Variants in CGGBP1 observed in about 807,000 individuals in gnomAD.
The protein encoded by CGGBP1 is CGG triplet repeat-binding protein 1.
CGGBP1 carries 4 observed loss-of-function variants against 11.4 expected under a neutral mutation model. That is an observed-to-expected ratio of 0.35 (90% CI 0.17 to 0.80). The LOEUF is 0.80. Among genes scored for constraint, CGGBP1 ranks in the 30% least tolerant of loss-of-function variants. The probability of loss-of-function intolerance (pLI) is 0.52; values close to 1 mark genes in which losing one functional copy is unlikely to be tolerated. For missense variants in CGGBP1, 135 were observed against 202.1 expected (o/e 0.67, Z 2.01); for synonymous variants, 76 against 74.1 (o/e 1.03, Z -0.13).
intron 2 of CGGBP1, among the ~76,000 whole-genome samples, chr3:88,138,194 AT>A (rs1429002449): frequency 6.6e-6 from 1 of 152,188 alleles, no homozygotes; most frequent in East Asian, 1.9e-4. Flanking sequence ...ATTTGGATAA[AT>A]AACATTACTT....
rs200668595 is a variant in CGGBP1 at position 88,099,190 on chromosome 3, AACAG to A, written c.-228-40971_-228-40968del. 1.0e-3 allele frequency among the ~76,000 whole-genome samples: 152 copies of A among 152,254 alleles called. 3 individuals carry two copies. Among genetic ancestry groups the A allele is most frequent in the East Asian group, 5.0e-3 (26 of 5,192 alleles). On this transcript the variant is annotated intron_variant, in intron 2 of 3. Coordinates refer to the CGGBP1 transcript ENST00000462901. ...ATCACAAGCATTCCTCTACACCAAT[AACAG>A]ACAGAGAGCCAAATCATGAGTGAAC...
In CGGBP1 at chr3:88,138,005, C is replaced by T. The variant is rs142215320; in HGVS notation, c.-229+2965G>A. Among the ~76,000 whole-genome samples, 916 of 151,978 alleles carry T rather than the reference C, an allele frequency of 6.0e-3. 8 individuals are homozygous for T. The highest frequency in any genetic ancestry group is 0.021 in the African/African-American group (869 of 41,438). The stretch of plus-strand genomic sequence containing the variant: ...AGACACTATTATAACTAAGATGGGT[C>T]GACAATAGATTCCCAAGTAAAAGCT... On this transcript the variant is annotated intron_variant, in intron 2 of 3. Coordinates refer to the CGGBP1 transcript ENST00000462901.
At chr3:88,068,959 A>G (rs1054392846) in intron 2 of CGGBP1, among the ~76,000 whole-genome samples, 4 of 152,206 alleles carry the variant, frequency 2.6e-5, no homozygotes, top group South Asian at 2.1e-4. Flanking sequence ...TGTACCATCT[A>G]TGCATATATA....
At chr3:88,116,818 A>G (rs1404035357) in intron 2 of CGGBP1, among the ~76,000 whole-genome samples, 1 of 152,114 alleles carries the variant, frequency 6.6e-6, no homozygotes, top group Non-Finnish European at 1.5e-5. Flanking sequence ...ATTAAACTGT[A>G]GTACATGTAA....
chr3:88,117,079 AC>A (rs764912096), intron 2 of CGGBP1, among the ~76,000 whole-genome samples: 2 of 152,212 alleles, frequency 1.3e-5, no homozygotes, highest in Non-Finnish European at 2.9e-5. Flanking sequence ...CAAAGAAGGG[AC>A]AACCCGAAAG....
At chr3:88,059,241 A>C, upstream of CGGBP1, 5 of 1,520,902 alleles carry the variant, frequency 3.3e-6, no homozygotes, top group South Asian at 6.1e-5. Flanking sequence ...GGAACTAGAG[A>C]GGAGGAGGAG....
intron 2 of CGGBP1, chr3:88,129,677 C>G: frequency 6.9e-7 from 1 of 1,439,454 alleles, no homozygotes. Flanking sequence ...TTTCTCTTTT[C>G]CTCTTACAGC....
chr3:88,073,232 T>A (rs1269021567), intron 2 of CGGBP1, among the ~76,000 whole-genome samples: 6 of 151,896 alleles, frequency 4.0e-5, no homozygotes. Flanking sequence ...GGTCCAGCAA[T>A]CTGATTGTCA....
At chr3:88,094,476 A>ACCTACT (rs1289486256) in intron 2 of CGGBP1, among the ~76,000 whole-genome samples, 2 of 152,068 alleles carry the variant, frequency 1.3e-5, no homozygotes, top group Admixed American at 1.3e-4. Flanking sequence ...CCCTGTTCCC[A>ACCTACT]CCTACATTAG....
At chr3:88,106,690 A>G (rs1704760342) in intron 2 of CGGBP1, among the ~76,000 whole-genome samples, 1 of 152,084 alleles carries the variant, frequency 6.6e-6, no homozygotes, top group Non-Finnish European at 1.5e-5. Flanking sequence ...AATTTGTTTA[A>G]TGCTTTTTTA....
intron 2 of CGGBP1, chr3:88,129,878 G>C (rs1305140941): frequency 1.2e-5 from 16 of 1,320,894 alleles, no homozygotes; most frequent in Non-Finnish European, 1.3e-5. Flanking sequence ...CAACAGAAAG[G>C]AAATTGCAGT....
At chr3:88,116,899 T>C (rs1705442990) in intron 2 of CGGBP1, among the ~76,000 whole-genome samples, 1 of 152,192 alleles carries the variant, frequency 6.6e-6, no homozygotes, top group South Asian at 2.1e-4. Context: ...AGTAAAACAG[T>C]TCTCTGTTCT....
intron 2 of CGGBP1, among the ~76,000 whole-genome samples, chr3:88,122,781 G>A (rs960697616): frequency 2.0e-5 from 3 of 151,986 alleles, no homozygotes; most frequent in African/African-American, 7.3e-5. Context: ...AAACCGAGGT[G>A]GGCAGATCAC....
At chr3:88,064,369 T>C (rs1258209703) in intron 2 of CGGBP1, among the ~76,000 whole-genome samples, 2 of 152,188 alleles carry the variant, frequency 1.3e-5, no homozygotes, top group African/African-American at 2.4e-5. Flanking sequence ...ACTTTGATTA[T>C]ACCCCGTTTT....
Position 88,074,663 on chromosome 3 carries a change from C to A in CGGBP1, c.-228-16440G>T, listed in dbSNP as rs535377070. On this transcript the variant is annotated intron_variant, in intron 2 of 3. Transcript: ENST00000462901. ...GCCTGTGTCTTACTTTCTTAAGAGT[C>A]TTGAAGATCAGTAGGGCAAACGTTT... 9.5e-4 allele frequency among the ~76,000 whole-genome samples: 144 copies of A among 152,214 alleles called. 1 individual carries two copies. The highest frequency in any genetic ancestry group is 3.4e-3 in the Middle Eastern group (1 of 294).
In CGGBP1 at chr3:88,057,273, T is replaced by C. The variant is rs2107561076; in HGVS notation, c.-106A>G. 1 of 152,226 alleles carries C rather than the reference T, an allele frequency of 6.6e-6. No individual in the cohort carries two copies. The highest frequency in any genetic ancestry group is 2.1e-4 in the South Asian group (1 of 4,822). The allele number at this position is 152,226 out of a possible 1,614,324, so 9.4% of individuals were successfully genotyped here. A position where few individuals can be genotyped will look rare whatever the true frequency, so the allele number is the denominator to read the frequency against. On this transcript the variant is annotated 5_prime_UTR_variant, in exon 3 of 4. Transcript: ENST00000482016. ...ATCAGACAGTCATGGATCCAGAAGA[T>C]TAAACATTCCACAGAAATTCTGAAA...
At chr3:88,140,358 G>A in intron 2 of CGGBP1, 1 of 1,612,948 alleles carries the variant, frequency 6.2e-7, no homozygotes, top group Non-Finnish European at 8.5e-7. Flanking sequence ...TCCTAATCAG[G>A]AAAAAGACTC....
chr3:88,095,388 G>A, intron 2 of CGGBP1: 1 of 328,838 alleles, frequency 3.0e-6, no homozygotes, highest in South Asian at 2.6e-5. Flanking sequence ...ACTAAGAGAA[G>A]TGACAGGGAT....
intron 2 of CGGBP1, among the ~76,000 whole-genome samples, chr3:88,068,186 T>C (rs1233715546): frequency 6.6e-6 from 1 of 151,928 alleles, no homozygotes; most frequent in Admixed American, 6.6e-5. Context: ...GAATGCAGAG[T>C]GACCATTAGT....
Sources: allele counts gnomAD v4.1 joint callset (sites outside exome capture counted in the v4.1 genomes callset), GRCh38; gene constraint gnomAD v4.1.1; transcripts MANE v1.5; gene names NCBI Gene and HGNC (gene_info 2026-07-23, HGNC 2026-07-21).